Variants in NCOR2 observed in about 807,000 individuals in gnomAD.
NCOR2 encodes the protein nuclear receptor corepressor 2, also known as CTG repeat protein 26.
A neutral mutation model predicts 262.9 loss-of-function variants in NCOR2; 81 were observed. The ratio of observed to expected loss-of-function variants is 0.31; its 90% CI spans 0.26 to 0.37. NCOR2 has a LOEUF of 0.37. Among genes scored for constraint, NCOR2 ranks in the 10% least tolerant of loss-of-function variants. NCOR2 has a pLI of 1.00. For missense variants in NCOR2, 3,385 were observed against 3,621.4 expected (o/e 0.93, Z 1.68); for synonymous variants, 1,659 against 1,559.3 (o/e 1.06, Z -1.51).
At chr12:124,339,904 C>CCCCACCCCAAAA in intron 37 of NCOR2, 102 bp downstream of exon 39, 1 of 776,826 alleles carries the variant, frequency 1.3e-6, no homozygotes. Context: ...CCCACCCACC[C>CCCCACCCCAAAA]ACCTCCCATA....
chr12:124,376,709 A>G (rs2040029479), intron 18 of NCOR2, among the ~76,000 whole-genome samples: 1 of 152,136 alleles, frequency 6.6e-6, no homozygotes, highest in Non-Finnish European at 1.5e-5. Flanking sequence ...GGGCTGGAGG[A>G]GCCTGGATTT....
At chr12:124,375,046 CTCCTT>C (rs2039879908) in intron 18 of NCOR2, among the ~76,000 whole-genome samples, 2 of 152,246 alleles carry the variant, frequency 1.3e-5, no homozygotes, top group South Asian at 4.1e-4. Context: ...TCACACACGA[CTCCTT>C]TAAGACCTCT....
At chr12:124,413,690 G>C (rs1287904702) in intron 13 of NCOR2, among the ~76,000 whole-genome samples, 1 of 152,202 alleles carries the variant, frequency 6.6e-6, no homozygotes, top group African/African-American at 2.4e-5. Flanking sequence ...CTGTGCACTG[G>C]GAGTGGGGGT....
chr12:124,449,862 C>T, exon 7 of NCOR2: 3 of 1,613,986 alleles, frequency 1.9e-6, no homozygotes, highest in Non-Finnish European at 2.5e-6. Context: ...GCTGGTTGTA[C>T]AGCGGCTGCA....
At chr12:124,484,035 G>A (rs1170880155) in intron 2 of NCOR2, among the ~76,000 whole-genome samples, 1 of 152,128 alleles carries the variant, frequency 6.6e-6, no homozygotes, top group Non-Finnish European at 1.5e-5. Flanking sequence ...ACACCCCAGA[G>A]TGACTGCCCC....
At chr12:124,385,261 C>T (rs879269027) in intron 17 of NCOR2, among the ~76,000 whole-genome samples, 9 of 152,298 alleles carry the variant, frequency 5.9e-5, no homozygotes, top group South Asian at 4.1e-4. Flanking sequence ...GGGGCTGAGA[C>T]GTCCGCCCCC....
chr12:124,333,628 G>A (rs2035439111), intron 41 of NCOR2, among the ~76,000 whole-genome samples: 1 of 150,444 alleles, frequency 6.6e-6, no homozygotes, highest in Admixed American at 6.7e-5. Flanking sequence ...ATGTCCTGCT[G>A]TCTTGCCATG....
chr12:124,428,074 T>TGTGTGTGTGTGTGTGTGTGTGTGTGTGA (rs1248002258), intron 10 of NCOR2, among the ~76,000 whole-genome samples: 1 of 145,612 alleles, frequency 6.9e-6, no homozygotes, highest in East Asian at 2.0e-4. Flanking sequence ...TGTGTGTGTG[T>TGTGTGTGTGTGTGTGTGTGTGTGTGTGA]GTGTGTGTGT....
chr12:124,479,572 C>G (rs116718548), intron 3 of NCOR2, among the ~76,000 whole-genome samples: 4,192 of 152,274 alleles, frequency 0.028, 114 homozygotes, highest in African/African-American at 0.071. Context: ...CACACACGCA[C>G]GCGCGCGCGC....
chr12:124,462,359 C>T (rs1272663301), intron 5 of NCOR2, among the ~76,000 whole-genome samples: 1 of 152,176 alleles, frequency 6.6e-6, no homozygotes, highest in Non-Finnish European at 1.5e-5. Context: ...GCCCCAAGCC[C>T]CCAGTCCTGC....
At chr12:124,536,746 C>T (rs1437794237), upstream of NCOR2, among the ~76,000 whole-genome samples, 1 of 152,176 alleles carries the variant, frequency 6.6e-6, no homozygotes, top group East Asian at 1.9e-4. Context: ...AACAGTTTGG[C>T]CATTTCTTAT....
intron 31 of NCOR2, among the ~76,000 whole-genome samples, chr12:124,346,046 G>C (rs1258226605): frequency 1.3e-5 from 2 of 152,192 alleles, no homozygotes; most frequent in Non-Finnish European, 2.9e-5. Flanking sequence ...TGCAGTGGAT[G>C]CTGCGGCTGT....
chr12:124,391,969 G>A (rs1323228582), intron 16 of NCOR2, among the ~76,000 whole-genome samples: 1 of 152,234 alleles, frequency 6.6e-6, no homozygotes, highest in Admixed American at 6.5e-5. Context: ...CCACCGCAGT[G>A]GGCTGGGTGA....
chr12:124,403,666 C>G (rs897816685), intron 13 of NCOR2, among the ~76,000 whole-genome samples: 10 of 152,266 alleles, frequency 6.6e-5, no homozygotes, highest in African/African-American at 2.2e-4. Flanking sequence ...AACCAGGGAG[C>G]AAGAACTCCA....
At chr12:124,420,778 C>A (rs780134490) in intron 12 of NCOR2, among the ~76,000 whole-genome samples, 1 of 152,330 alleles carries the variant, frequency 6.6e-6, no homozygotes, top group East Asian at 1.9e-4. Context: ...GTTCCCCTTA[C>A]AATGTAAAAT....
chr12:124,332,543 C>T (rs1593082276), intron 42 of NCOR2, 76 bp from the exon 45 acceptor site: 13 of 1,587,718 alleles, frequency 8.2e-6, no homozygotes, highest in East Asian at 2.2e-5. Flanking sequence ...GAACTCACCA[C>T]CTGAGATGCC....
Position 124,458,997 on chromosome 12 carries a change from T to TG in NCOR2, c.706-1836dup, listed in dbSNP as rs768991249. Among the ~76,000 whole-genome samples the TG allele has an allele frequency of 4.8e-4, 73 of 152,282 alleles. 1 individual carries two copies. In the East Asian group the frequency reaches 4.8e-3, roughly 10 times the overall value. On this transcript the variant is annotated intron_variant, in intron 5 of 46. Coordinates refer to ENST00000405201, the Ensembl canonical transcript of NCOR2. ...GACCTGGGGAGAGACATGGAATGAATGAGACCTGGCCCCTGCCTGGAATAA... is the reference window on the plus strand; with the variant it reads ...GACCTGGGGAGAGACATGGAATGAATGGAGACCTGGCCCCTGCCTGGAATAA...
intron 1 of NCOR2, among the ~76,000 whole-genome samples, chr12:124,546,980 T>TAA (rs1431041890): frequency 6.6e-6 from 1 of 152,154 alleles, no homozygotes; most frequent in African/African-American, 2.4e-5. Flanking sequence ...TGTCTTTTTA[T>TAA]AATATTTTAT....
chr12:124,363,727 T>G (rs1593224819), exon 21 of NCOR2: 1 of 1,407,680 alleles, frequency 7.1e-7, no homozygotes. Context: ...TCAGGTCCAG[T>G]GGCTTCTGGG....
Sources: allele counts gnomAD v4.1 joint callset (sites outside exome capture counted in the v4.1 genomes callset), GRCh38; gene constraint gnomAD v4.1.1; transcripts MANE v1.5; gene names NCBI Gene and HGNC (gene_info 2026-07-23, HGNC 2026-07-21).